Variants in DOK6 observed in about 807,000 individuals in gnomAD.
The protein encoded by DOK6 is downstream of tyrosine kinase 6.
In DOK6, 22 loss-of-function variants were observed where a neutral mutation model predicts 44.0. The ratio of observed to expected loss-of-function variants is 0.50; its 90% CI spans 0.36 to 0.71. The LOEUF (loss-of-function observed/expected upper bound fraction) is 0.71, where lower values mean the gene tolerates loss of function less well. Among genes scored for constraint, DOK6 ranks in the 30% least tolerant of loss-of-function variants. DOK6 has a pLI of 0.00. For missense variants in DOK6, 340 were observed against 416.4 expected, an observed-to-expected ratio of 0.82 and a Z score of 1.60; for synonymous variants, 166 against 145.5, an observed-to-expected ratio of 1.14 and a Z score of -1.01.
intron 1 of DOK6, among the ~76,000 whole-genome samples, chr18:69,494,321 C>T (rs1458463299): frequency 6.6e-6 from 1 of 152,004 alleles, no homozygotes; most frequent in Non-Finnish European, 1.5e-5. Flanking sequence ...ACTAAAAATA[C>T]AAAAATTAGC....
chr18:69,705,204 AGTT>A (rs1986608073), intron 5 of DOK6: 1 of 152,220 alleles, frequency 6.6e-6, no homozygotes. Context: ...TACCCTGAGA[AGTT>A]GTAGTAGAGA....
chr18:69,561,686 A>C (rs1982836027), intron 1 of DOK6, among the ~76,000 whole-genome samples: 1 of 152,100 alleles, frequency 6.6e-6, no homozygotes, highest in Admixed American at 6.6e-5. Flanking sequence ...AGGCATGTTC[A>C]TGTGTGTAGG....
chr18:69,692,124 G>A (rs17200441), intron 4 of DOK6, among the ~76,000 whole-genome samples: 20,731 of 152,096 alleles, frequency 0.14, 1,485 homozygotes, highest in Middle Eastern at 0.19. Context: ...GTGGAAAGAC[G>A]GTGATGGAAC....
chr18:69,640,743 C>T (rs1984919855), intron 3 of DOK6, among the ~76,000 whole-genome samples: 1 of 152,092 alleles, frequency 6.6e-6, no homozygotes, highest in South Asian at 2.1e-4. Flanking sequence ...TTTTCCAAGA[C>T]CATATAAGGA....
At position 69,848,212 on chromosome 18, in the gene DOK6, ATCTT is replaced by A. The variant is rs1181775443; in HGVS notation, c.*6831_*6834del. 1.3e-5 allele frequency: 2 copies of A among 152,132 alleles called. No individual in the cohort carries two copies. Among genetic ancestry groups the A allele is most frequent in the Non-Finnish European group, 1.5e-5 (1 of 68,024 alleles). The allele number at this position is 152,132 out of a possible 1,614,324, so 9.4% of individuals were successfully genotyped here. A position where few individuals can be genotyped will look rare whatever the true frequency, so the allele number is the denominator to read the frequency against. On this transcript the variant is annotated 3_prime_UTR_variant, in exon 8 of 8. Coordinates refer to ENST00000382713, the MANE Select transcript of DOK6 (RefSeq NM_152721.6). ...TGTGTTATATATTTGCTTTTTGTAA[ATCTT>A]TATTTAATTAATTTATATATACTTT... is the stretch of plus-strand genomic sequence containing the variant.
rs1224302167 is a variant in DOK6, at chr18:69,843,134, C to T, written c.*1751C>T. 6.6e-6 allele frequency: 1 copy of T among 152,088 alleles called. No individual in the cohort carries two copies. Among genetic ancestry groups the T allele is most frequent in the Non-Finnish European group, 1.5e-5 (1 of 68,024 alleles). The allele number at this position is 152,088 out of a possible 1,614,324, so 9.4% of individuals were successfully genotyped here. A position where few individuals can be genotyped will look rare whatever the true frequency, so the allele number is the denominator to read the frequency against. ...AAATCACTCCACTCGGTATGAAAACCCCATCAAGATACTAATCGTAAGAGT... is the reference window on the plus strand; with the variant it reads ...AAATCACTCCACTCGGTATGAAAACTCCATCAAGATACTAATCGTAAGAGT... On this transcript the variant is annotated 3_prime_UTR_variant, in exon 8 of 8. Coordinates refer to ENST00000382713, the MANE Select transcript of DOK6 (RefSeq NM_152721.6).
At chr18:69,718,888 C>T (rs1399620801) in intron 5 of DOK6, among the ~76,000 whole-genome samples, 3 of 151,862 alleles carry the variant, frequency 2.0e-5, no homozygotes, top group Admixed American at 2.0e-4. Flanking sequence ...ATACTAGATT[C>T]TAACAAAAGG....
At chr18:69,585,339 T>G (rs933956490) in intron 2 of DOK6, among the ~76,000 whole-genome samples, 2 of 152,002 alleles carry the variant, frequency 1.3e-5, no homozygotes, top group African/African-American at 4.8e-5. Flanking sequence ...ATTATGGCAA[T>G]AGGATATAAT....
chr18:69,671,308 T>C (rs1346594988), intron 3 of DOK6, among the ~76,000 whole-genome samples: 1 of 152,216 alleles, frequency 6.6e-6, no homozygotes, highest in Non-Finnish European at 1.5e-5. Context: ...GTTTTCTCTA[T>C]TGAGTCCAGA....
At chr18:69,762,336 G>A (rs1376827039) in intron 7 of DOK6, among the ~76,000 whole-genome samples, 1 of 152,118 alleles carries the variant, frequency 6.6e-6, no homozygotes, top group Non-Finnish European at 1.5e-5. Flanking sequence ...GTAAGACCCT[G>A]TCTTAAAAAA....
chr18:69,712,834 G>C (rs1875664748), intron 5 of DOK6, among the ~76,000 whole-genome samples: 1 of 152,198 alleles, frequency 6.6e-6, no homozygotes, highest in Non-Finnish European at 1.5e-5. Flanking sequence ...GCGACAGAGT[G>C]AGACTCTGTT....
chr18:69,560,607 C>T (rs1982805607), intron 1 of DOK6, among the ~76,000 whole-genome samples: 1 of 151,996 alleles, frequency 6.6e-6, no homozygotes, highest in Non-Finnish European at 1.5e-5. Context: ...CTGATGCAAG[C>T]AATAATTTGT....
chr18:69,501,846 T>C (rs1217603300), intron 1 of DOK6, among the ~76,000 whole-genome samples: 2 of 152,140 alleles, frequency 1.3e-5, no homozygotes, highest in Non-Finnish European at 2.9e-5. Flanking sequence ...ATATTAGAAC[T>C]TCAATCTAGA....
intron 1 of DOK6, among the ~76,000 whole-genome samples, chr18:69,504,355 T>TA (rs139559786): frequency 0.081 from 12,214 of 150,660 alleles, 1,608 homozygotes; most frequent in African/African-American, 0.28. Context: ...CACAGTTCCT[T>TA]AAAAAAAAAG....
chr18:69,693,518 G>A (rs1388366957), intron 4 of DOK6, among the ~76,000 whole-genome samples: 3 of 152,040 alleles, frequency 2.0e-5, no homozygotes, highest in African/African-American at 4.8e-5. Flanking sequence ...GGGAAATTTA[G>A]CTGAACAGAC....
chr18:69,809,345 T>C (rs1981147408), intron 7 of DOK6, among the ~76,000 whole-genome samples: 1 of 151,700 alleles, frequency 6.6e-6, no homozygotes, highest in South Asian at 2.1e-4. Context: ...ACAGTTAACA[T>C]CATACTCAAG....
intron 1 of DOK6, among the ~76,000 whole-genome samples, chr18:69,449,650 A>G (rs1331417705): frequency 2.6e-5 from 4 of 152,204 alleles, no homozygotes; most frequent in Non-Finnish European, 5.9e-5. Context: ...CTGCAGACCT[A>G]AATGTCCCTG....
intron 3 of DOK6, among the ~76,000 whole-genome samples, chr18:69,638,050 C>T (rs1484349473): frequency 6.6e-6 from 1 of 152,122 alleles, no homozygotes; most frequent in African/African-American, 2.4e-5. Context: ...ATTCCCTGAT[C>T]AATATTCTTC....
intron 7 of DOK6, among the ~76,000 whole-genome samples, chr18:69,794,843 C>T (rs1327118491): frequency 6.6e-6 from 1 of 152,132 alleles, no homozygotes; most frequent in East Asian, 1.9e-4. Context: ...GTGAACTGCG[C>T]ATGCGAGGGA....
Sources: gnomAD v4.1 joint callset for allele counts (sites outside exome capture counted in the v4.1 genomes callset) on GRCh38, gnomAD v4.1.1 for gene constraint, MANE v1.5 for transcripts, NCBI Gene and HGNC (gene_info 2026-07-23, HGNC 2026-07-21) for gene names.